The following THADA variants were observed in gnomAD, a reference collection of about 807,000 sequenced individuals.
THADA encodes THADA armadillo repeat containing.
A neutral mutation model predicts 219.8 loss-of-function variants in THADA; 213 were observed. The observed-to-expected ratio is 0.97, with a 90% CI of 0.87 to 1.09. The LOEUF (loss-of-function observed/expected upper bound fraction) is 1.09. Ranked by LOEUF, THADA falls within the 50% of genes least tolerant of loss-of-function variation. The pLI is 0.00. For missense variants in THADA, 2,956 were observed against 2,311.3 expected (o/e 1.28, Z -5.72); for synonymous variants, 1,018 against 828.9 (o/e 1.23, Z -3.92).
intron 21 of THADA, among the ~76,000 whole-genome samples, chr2:43,531,325 G>C (rs1350255025): frequency 1.3e-5 from 2 of 152,218 alleles, no homozygotes; most frequent in Non-Finnish European, 2.9e-5. Flanking sequence ...AGAATGAATA[G>C]ACCAACACTA....
intron 22 of THADA, among the ~76,000 whole-genome samples, chr2:43,518,932 G>C (rs1285907945): frequency 6.6e-6 from 1 of 152,042 alleles, no homozygotes; most frequent in Non-Finnish European, 1.5e-5. Flanking sequence ...CTCCTGACCT[G>C]TATTTCCAAC....
chr2:43,448,811 A>G lies in THADA; in HGVS notation c.3837-18509T>C, dbSNP rs1033371361. 2.0e-5 allele frequency among the ~76,000 whole-genome samples: 3 copies of G among 152,084 alleles called. No individual in the cohort carries two copies. The South Asian group carries it at 6.2e-4, about 32-fold the overall frequency. ...AATCAAACAACAAAAGTAAAATCAG[A>G]AATCAGCAAACCCTGAGAAAGAGGG... On this transcript the variant is annotated intron_variant, in intron 26 of 37. Transcript: ENST00000405975.
intron 13 of THADA, among the ~76,000 whole-genome samples, chr2:43,571,185 G>C (rs966487241): frequency 6.6e-6 from 1 of 152,262 alleles, no homozygotes. Context: ...GAGCCTGGGA[G>C]GTTGAGGGTA....
intron 29 of THADA, among the ~76,000 whole-genome samples, chr2:43,357,379 C>T (rs960037479): frequency 2.0e-5 from 3 of 152,104 alleles, no homozygotes; most frequent in African/African-American, 7.2e-5. Flanking sequence ...GGAGGGTAAT[C>T]AGCAGAGTCA....
intron 36 of THADA, among the ~76,000 whole-genome samples, chr2:43,233,786 C>T (rs1426978668): frequency 5.3e-5 from 8 of 152,122 alleles, no homozygotes; most frequent in Admixed American, 5.2e-4. Context: ...ACAACTCTGC[C>T]CCTCCCATCC....
chr2:43,514,528 CATA>C (rs1326242713), intron 22 of THADA, among the ~76,000 whole-genome samples: 9 of 131,430 alleles, frequency 6.8e-5, no homozygotes, highest in Non-Finnish European at 1.4e-4. Flanking sequence ...ATATAATATA[CATA>C]ATATGTATAT....
intron 36 of THADA, among the ~76,000 whole-genome samples, chr2:43,261,957 A>G (rs1671005100): frequency 6.6e-6 from 1 of 151,922 alleles, no homozygotes; most frequent in Non-Finnish European, 1.5e-5. Context: ...TTTTTAGTAG[A>G]GATGGGGCTT....
At chr2:43,493,475 C>A (rs534547305) in intron 25 of THADA, among the ~76,000 whole-genome samples, 5 of 152,080 alleles carry the variant, frequency 3.3e-5, no homozygotes, top group Non-Finnish European at 7.4e-5. Context: ...AGCCTGGCGA[C>A]AGAGCAAGAC....
intron 30 of THADA, among the ~76,000 whole-genome samples, chr2:43,322,285 C>T (rs1225211350): frequency 6.6e-6 from 1 of 151,896 alleles, no homozygotes; most frequent in Non-Finnish European, 1.5e-5. Flanking sequence ...GGGTGGATCA[C>T]CTGAGGTCAG....
chr2:43,249,556 C>T (rs1360328390), intron 36 of THADA, among the ~76,000 whole-genome samples: 1 of 152,204 alleles, frequency 6.6e-6, no homozygotes, highest in Non-Finnish European at 1.5e-5. Context: ...ACATCCTTAA[C>T]ATTAAAGACT....
intron 22 of THADA, among the ~76,000 whole-genome samples, chr2:43,524,046 A>T (rs1195075215): frequency 1.3e-5 from 2 of 152,252 alleles, no homozygotes; most frequent in Non-Finnish European, 2.9e-5. Flanking sequence ...AGTTGAATTT[A>T]GAGTTTTATG....
At chr2:43,473,899 G>A (rs1262239253) in intron 26 of THADA, among the ~76,000 whole-genome samples, 2 of 151,994 alleles carry the variant, frequency 1.3e-5, no homozygotes, top group South Asian at 2.1e-4. Context: ...GTGAGCCACC[G>A]CGCCCGGCCC....
intron 4 of THADA, among the ~76,000 whole-genome samples, chr2:43,587,603 T>C (rs778301152): frequency 2.0e-5 from 3 of 152,182 alleles, no homozygotes; most frequent in Non-Finnish European, 4.4e-5. Flanking sequence ...AATTACCTTA[T>C]CATGTCTGAG....
chr2:43,357,069 T>C (rs1022017840), intron 29 of THADA, among the ~76,000 whole-genome samples: 1 of 152,252 alleles, frequency 6.6e-6, no homozygotes, highest in Non-Finnish European at 1.5e-5. Flanking sequence ...TCACTGTGCT[T>C]ATCCCTAAAA....
At chr2:43,575,750 C>T (rs1200295355) in intron 10 of THADA, among the ~76,000 whole-genome samples, 1 of 152,030 alleles carries the variant, frequency 6.6e-6, no homozygotes, top group Non-Finnish European at 1.5e-5. Context: ...GTTGACCAGG[C>T]TGGTCTTGAA....
chr2:43,587,841 T>C (rs942177223), intron 4 of THADA, among the ~76,000 whole-genome samples: 2 of 152,204 alleles, frequency 1.3e-5, no homozygotes, highest in Non-Finnish European at 2.9e-5. Flanking sequence ...TGAAACACAG[T>C]AGGCAGTCAA....
intron 36 of THADA, among the ~76,000 whole-genome samples, chr2:43,246,733 T>A (rs182390613): frequency 6.6e-6 from 1 of 152,254 alleles, no homozygotes; most frequent in Non-Finnish European, 1.5e-5. Context: ...GGGAATTTTA[T>A]ATCTTGAAAT....
At chr2:43,562,666 C>T (rs1698210876) in intron 15 of THADA, 1 of 152,284 alleles carries the variant, frequency 6.6e-6, no homozygotes, top group South Asian at 2.1e-4. Flanking sequence ...TGGTGTAATT[C>T]TTCTTTAAAT....
intron 33 of THADA, 80 bp from the exon 34 acceptor site, chr2:43,291,848 G>A: frequency 7.8e-6 from 10 of 1,283,176 alleles, no homozygotes; most frequent in Non-Finnish European, 9.7e-6. Context: ...CAGATAGTCT[G>A]TAATCCATGC....
Sources: allele counts gnomAD v4.1 joint callset (sites outside exome capture counted in the v4.1 genomes callset), GRCh38; gene constraint gnomAD v4.1.1; transcripts MANE v1.5; gene names NCBI Gene and HGNC (gene_info 2026-07-23, HGNC 2026-07-21).